The following FBXL18 variants were observed in gnomAD, a reference collection of about 807,000 sequenced individuals.
FBXL18 encodes the protein F-box/LRR-repeat protein 18.
FBXL18 carries 36 observed loss-of-function variants against 46.0 expected under a neutral mutation model. That is an observed-to-expected ratio of 0.78 (90% CI 0.60 to 1.03). FBXL18 has a LOEUF of 1.03. Among genes scored for constraint, FBXL18 ranks in the 50% least tolerant of loss-of-function variants. The probability of loss-of-function intolerance (pLI) is 0.00; values close to 1 mark genes in which losing one functional copy is unlikely to be tolerated. For synonymous variants in FBXL18, 557 were observed against 465.3 expected, an observed-to-expected ratio of 1.20 and a Z score of -2.54; for missense variants, 977 against 1,004.1, an observed-to-expected ratio of 0.97 and a Z score of 0.36.
At chr7:5,463,206 T>C (rs988758155) in intron 4 of FBXL18, among the ~76,000 whole-genome samples, 2 of 151,328 alleles carry the variant, frequency 1.3e-5, no homozygotes, top group Admixed American at 1.3e-4. Context: ...CTGGTGGGAA[T>C]ATAAAATGGT....
chr7:5,468,208 C>T (rs952518143), intron 4 of FBXL18, among the ~76,000 whole-genome samples: 6 of 152,162 alleles, frequency 3.9e-5, no homozygotes, highest in Non-Finnish European at 7.3e-5. Flanking sequence ...TGGTCTCGAT[C>T]TCCTGACCTC....
chr7:5,494,642 C>T (rs933348795), intron 3 of FBXL18, among the ~76,000 whole-genome samples: 7 of 152,024 alleles, frequency 4.6e-5, no homozygotes, highest in Admixed American at 3.3e-4. Context: ...AGGTGGGAAA[C>T]GGGAAGGGGT....
Position 5,492,028 on chromosome 7 carries a change from C to T in FBXL18, c.1782-579G>A, listed in dbSNP as rs146721645. Among the ~76,000 whole-genome samples the T allele has an allele frequency of 4.5e-3, 673 of 151,234 alleles. 6 individuals are homozygous for T. The highest frequency in any genetic ancestry group is 0.017 in the Middle Eastern group (5 of 294). On this transcript the variant is annotated intron_variant, in intron 3 of 4. Transcript: ENST00000382368. ...TCAGCCACGACAGATGGGAGGACAG[C>T]GCTGGATGGCTGCAGGGCCAAAGGA...
intron 4 of FBXL18, among the ~76,000 whole-genome samples, chr7:5,463,754 T>A (rs1448070888): frequency 8.7e-6 from 1 of 114,354 alleles, no homozygotes; most frequent in African/African-American, 3.8e-5. Context: ...TTTTTTTTTT[T>A]TTTTGAGACG....
intron 4 of FBXL18, among the ~76,000 whole-genome samples, chr7:5,467,283 G>A (rs1464098077): frequency 2.6e-5 from 4 of 152,080 alleles, no homozygotes; most frequent in Non-Finnish European, 5.9e-5. Context: ...CCTGGGAGGC[G>A]GAGCTTGCAG....
At chr7:5,507,915 C>G (rs1331352111) in intron 1 of FBXL18, among the ~76,000 whole-genome samples, 1 of 150,126 alleles carries the variant, frequency 6.7e-6, no homozygotes, top group Non-Finnish European at 1.5e-5. Context: ...GAGGGCAGAT[C>G]ACGAGGTCAG....
chr7:5,475,480 T>G (rs574314877), downstream of FBXL18, among the ~76,000 whole-genome samples: 12 of 152,218 alleles, frequency 7.9e-5, no homozygotes, highest in Non-Finnish European at 1.6e-4. This position sits in a 1 kb window ranked among gnomAD's most constrained non-coding sequence, Gnocchi z 4.2. Flanking sequence ...GTGTGTAGCC[T>G]GCACAACCGT....
intron 4 of FBXL18, among the ~76,000 whole-genome samples, chr7:5,459,726 T>G (rs1783217357): frequency 1.5e-5 from 2 of 137,002 alleles, no homozygotes; most frequent in African/African-American, 2.7e-5. Flanking sequence ...GGCAACAGAG[T>G]GAGACTCCAT....
chr7:5,498,665 G>A (rs1584230504), intron 3 of FBXL18, among the ~76,000 whole-genome samples: 1 of 152,284 alleles, frequency 6.6e-6, no homozygotes, highest in South Asian at 2.1e-4. Context: ...TGCCTCCCGG[G>A]TAAAGAGCAA....
At chr7:5,508,961 G>C (rs1784460558) in intron 1 of FBXL18, among the ~76,000 whole-genome samples, 1 of 152,142 alleles carries the variant, frequency 6.6e-6, no homozygotes, top group Non-Finnish European at 1.5e-5. Context: ...CAGAGGCTGA[G>C]ATGGGTGGAT....
In FBXL18 at chr7:5,501,024, C is replaced by T; in HGVS notation, c.1245G>A (p.Leu415=). The T allele has an allele frequency of 5.0e-6, 8 of 1,601,960 alleles. No homozygotes were observed. Among genetic ancestry groups the T allele is most frequent in the South Asian group, 1.1e-5 (1 of 90,084 alleles). ...AGCAGACAGGCAGGGAGAGGGAGCG[C>T]AGGTGACGCAGCCGGGCCAGGAGCT... ...LCQLLARLRH[L]RSLSLPVCSV... Residue 415 remains leucine (L), a synonymous_variant, in exon 3 of 5, where the codon CTG becomes CTA. Coordinates refer to ENST00000382368, the MANE Select transcript of FBXL18 (RefSeq NM_024963.6).
At chr7:5,502,823 T>A (rs1049981472) in intron 2 of FBXL18, among the ~76,000 whole-genome samples, 8 of 115,858 alleles carry the variant, frequency 6.9e-5, no homozygotes, top group African/African-American at 1.3e-4. Context: ...CAAGACTCCA[T>A]CTCAAAAAAG....
rs1397068842 is a variant in FBXL18, at chr7:5,455,205, A to C, written c.2001-7362T>G. On this transcript the variant is annotated intron_variant and NMD_transcript_variant, in intron 4 of 6. Transcript: ENST00000415009. This position sits in a 1 kb window ranked among gnomAD's most constrained non-coding sequence, Gnocchi z 4.6. ...GAGAGCACTCTCAGAGGAGCACTCC[A>C]AGGAGTACTCTTTGGGAGCATATCT... Among the ~76,000 whole-genome samples the C allele has an allele frequency of 2.0e-5, 3 of 152,004 alleles. No individual in the cohort carries two copies. The highest frequency in any genetic ancestry group is 4.4e-5 in the Non-Finnish European group (3 of 67,986).
Position 5,477,563 on chromosome 7 carries a change from A to G in FBXL18, c.*4212T>C, listed in dbSNP as rs1221490809. ...GCAAAAATACAAAAATTAGCCGGTCATGATGGCAGGTGCCTGTAATCCCAG... is the reference window on the plus strand; with the variant it reads ...GCAAAAATACAAAAATTAGCCGGTCGTGATGGCAGGTGCCTGTAATCCCAG... On this transcript the variant is annotated 3_prime_UTR_variant, in exon 5 of 5. Transcript: ENST00000382368. This position sits in a 1 kb window ranked among gnomAD's most constrained non-coding sequence, Gnocchi z 4.4. Among the ~76,000 whole-genome samples, 1 of 152,144 alleles carries G rather than the reference A, an allele frequency of 6.6e-6. No individual in the cohort carries two copies. The highest frequency in any genetic ancestry group is 1.5e-5 in the Non-Finnish European group (1 of 68,030).
At chr7:5,499,903 T>A (rs563143350) in intron 3 of FBXL18, among the ~76,000 whole-genome samples, 18 of 151,028 alleles carry the variant, frequency 1.2e-4, no homozygotes, top group East Asian at 2.0e-4. Context: ...TACACAATTT[T>A]AAAAATATAT....
Position 5,491,356 on chromosome 7 carries a change from G to A in FBXL18, c.1875C>T (p.Ser625=), listed in dbSNP as rs200944793. 5,092 of 1,610,078 alleles carry A rather than the reference G, an allele frequency of 3.2e-3. 16 individuals are homozygous for A. Among genetic ancestry groups the A allele is most frequent in the Non-Finnish European group, 3.8e-3 (4,493 of 1,178,904 alleles). ...SLQRLCLVSR[S]GTLQPDAVLA... ...GCACGGCATCGGGCTGGAGGGTGCC[G>A]CTGCGAGAGACCAGGCACAGGCGCT... Residue 625 remains serine, a synonymous_variant, in exon 4 of 5, where the codon AGC becomes AGT. Transcript: ENST00000382368.
Position 5,491,387 on chromosome 7 carries a change from G to A in FBXL18, c.1844C>T (p.Ser615Leu), listed in dbSNP as rs774840026. The change falls in exon 4 of 5, where the codon TCG (serine) becomes TTG (leucine). Residue 615 changes from serine to leucine, a missense_variant. By Grantham distance (145) the Ser-to-Leu change is moderately radical. Transcript: ENST00000382368. ...QFFQALSQCP[S>L]LQRLCLVSRS... ...AGAGACCAGGCACAGGCGCTGCAGCGAGGGGCACTGGCTCAGCGCCTGGAA... is the reference window on the plus strand; with the variant it reads ...AGAGACCAGGCACAGGCGCTGCAGCAAGGGGCACTGGCTCAGCGCCTGGAA... The A allele has an allele frequency of 3.6e-5, 58 of 1,607,442 alleles. No homozygotes were observed. The highest frequency in any genetic ancestry group is 1.3e-4 in the African/African-American group (10 of 75,022).
chr7:5,456,328 C>T (rs1040073801), intron 4 of FBXL18, among the ~76,000 whole-genome samples: 1 of 152,216 alleles, frequency 6.6e-6, no homozygotes, highest in African/African-American at 2.4e-5. Context: ...CACTTCACCC[C>T]TTCCCAAGGC....
chr7:5,512,063 G>A (rs1191933954), intron 1 of FBXL18, among the ~76,000 whole-genome samples: 5 of 136,646 alleles, frequency 3.7e-5, no homozygotes, highest in Admixed American at 2.3e-4. Context: ...GTGAAACCCC[G>A]TCTCTAGTAA....
Sources: gnomAD v4.1 joint callset for allele counts (sites outside exome capture counted in the v4.1 genomes callset) on GRCh38, gnomAD v4.1.1 for gene constraint, Gnocchi (gnomAD v3.1) non-coding constraint, MANE v1.5 for transcripts, NCBI Gene and HGNC (gene_info 2026-07-23, HGNC 2026-07-21) for gene names.